Variants in INPP5D observed in about 807,000 individuals in gnomAD.
INPP5D encodes inositol polyphosphate-5-phosphatase D, also known as phosphatidylinositol 3,4,5-trisphosphate 5-phosphatase 1.
Under a neutral mutation model 122.9 loss-of-function variants are expected in INPP5D, and 33 were observed. The observed-to-expected ratio is 0.27, with a 90% CI of 0.20 to 0.36. INPP5D has a LOEUF of 0.36. INPP5D is among the 10% of genes least tolerant of loss of function. The pLI, the probability that INPP5D is intolerant of heterozygous loss-of-function variation, is 1.00. For synonymous variants in INPP5D, 584 were observed against 576.2 expected (o/e 1.01, Z -0.19); for missense variants, 1,053 against 1,412.7 (o/e 0.75, Z 4.08).
intron 2 of INPP5D, among the ~76,000 whole-genome samples, chr2:233,108,891 A>G (rs1053178202): frequency 8.5e-5 from 13 of 152,130 alleles, no homozygotes; most frequent in Non-Finnish European, 2.9e-5. Flanking sequence ...CTACCCATCC[A>G]CAGTCTTGCA....
At chr2:233,203,043 T>A (rs1695380651) in intron 25 of INPP5D, among the ~76,000 whole-genome samples, 1 of 152,180 alleles carries the variant, frequency 6.6e-6, no homozygotes, top group Non-Finnish European at 1.5e-5. Context: ...AAGGACACTG[T>A]GTTAACCGGG....
At chr2:233,119,094 G>C (rs111322109) in intron 2 of INPP5D, among the ~76,000 whole-genome samples, 1,624 of 152,306 alleles carry the variant, frequency 0.011, 27 homozygotes, top group African/African-American at 0.034. Flanking sequence ...GTGTAACATA[G>C]TCTGTGGTTC....
chr2:233,126,035 G>T lies in INPP5D; in HGVS notation c.524+116G>T, dbSNP rs114915681. 100 of 1,021,478 alleles carry T rather than the reference G, an allele frequency of 9.8e-5. 1 individual carries two copies. The Middle Eastern group carries it at 8.8e-3, about 90-fold the overall frequency. The allele number at this position is 1,021,478 out of a possible 1,614,324, so 63.3% of individuals were successfully genotyped here. On this transcript the variant is annotated intron_variant, in intron 4 of 26. Coordinates refer to ENST00000445964, the MANE Select transcript of INPP5D (RefSeq NM_001017915.3). ...GGGCCTGGTGACCAGAGGGAGATGG[G>T]GAGGTCTCCAGAGAAGAGTGCTTGT...
At chr2:233,086,595 G>C (rs773463773) in intron 2 of INPP5D, among the ~76,000 whole-genome samples, 1 of 152,152 alleles carries the variant, frequency 6.6e-6, no homozygotes, top group East Asian at 1.9e-4. Flanking sequence ...ACACGGAAAG[G>C]AGAAGTGAAC....
chr2:233,161,585 T>C lies in INPP5D; in HGVS notation c.1138-139T>C, dbSNP rs537096996. 151 of 1,218,148 alleles carry C rather than the reference T, an allele frequency of 1.2e-4. No homozygotes were observed. In the African/African-American group the frequency reaches 2.2e-3, roughly 18 times the overall value. The allele number at this position is 1,218,148 out of a possible 1,614,324, so 75.5% of individuals were successfully genotyped here. On this transcript the variant is annotated intron_variant, in intron 10 of 26. Coordinates refer to ENST00000445964, the MANE Select transcript of INPP5D (RefSeq NM_001017915.3). ...CCACTCGCTTATGACTTTGGACACATGTTTCCAGGTTGCTGTCCTGGAAGT... is the reference window on the plus strand; with the variant it reads ...CCACTCGCTTATGACTTTGGACACACGTTTCCAGGTTGCTGTCCTGGAAGT...
At chr2:233,094,961 C>T (rs1344213744) in intron 2 of INPP5D, among the ~76,000 whole-genome samples, 3 of 152,132 alleles carry the variant, frequency 2.0e-5, no homozygotes, top group Admixed American at 6.5e-5. Context: ...GATATATATA[C>T]GAGGACACCC....
At chr2:233,091,919 G>A (rs772873853) in intron 2 of INPP5D, among the ~76,000 whole-genome samples, 4 of 152,226 alleles carry the variant, frequency 2.6e-5, no homozygotes, top group Non-Finnish European at 4.4e-5. Context: ...AGGATGCCTG[G>A]CACAGAGTAG....
At chr2:233,085,385 AG>A (rs1691803322) in intron 2 of INPP5D, among the ~76,000 whole-genome samples, 1 of 151,356 alleles carries the variant, frequency 6.6e-6, no homozygotes, top group Non-Finnish European at 1.5e-5. Flanking sequence ...ACTGTCTCAA[AG>A]AAAAAAAAAA....
chr2:233,197,580 G>A lies in INPP5D; in HGVS notation c.2694-515G>A, dbSNP rs1384441905. Among the ~76,000 whole-genome samples the A allele has an allele frequency of 3.9e-5, 6 of 152,030 alleles. No individual in the cohort carries two copies. Among genetic ancestry groups the A allele is most frequent in the Non-Finnish European group, 8.8e-5 (6 of 68,008 alleles). ...GGAACAGGCCAAACCCCTCTCACCT[G>A]GAGGCCTTTGCATGTACTCTTGCCA... On this transcript the variant is annotated intron_variant, in intron 24 of 26. Coordinates refer to ENST00000445964, the MANE Select transcript of INPP5D (RefSeq NM_001017915.3). This position sits in a 1 kb window ranked among gnomAD's most constrained non-coding sequence, Gnocchi z 4.4.
chr2:233,196,791 TC>T (rs1695195466), intron 24 of INPP5D, among the ~76,000 whole-genome samples: 1 of 152,128 alleles, frequency 6.6e-6, no homozygotes, highest in East Asian at 1.9e-4. Context: ...CATAGCTTGT[TC>T]CTCTCCTCCC....
intron 2 of INPP5D, among the ~76,000 whole-genome samples, chr2:233,115,740 C>A (rs1459308324): frequency 6.6e-6 from 1 of 152,182 alleles, no homozygotes; most frequent in Non-Finnish European, 1.5e-5. Context: ...ATGGAGAGGT[C>A]CATTTTCTGC....
intron 3 of INPP5D, 100 bp from the exon 4 acceptor site, chr2:233,125,645 A>G: frequency 9.6e-7 from 1 of 1,038,340 alleles, no homozygotes; most frequent in Non-Finnish European, 1.4e-6. Context: ...GATGGAGATC[A>G]ATAACGTGGG....
chr2:233,195,328 C>G, intron 23 of INPP5D, 71 bp from the exon 24 acceptor site: 4 of 1,609,644 alleles, frequency 2.5e-6, no homozygotes, highest in African/African-American at 1.3e-5. Flanking sequence ...AATGGAAACC[C>G]CTTTGCCATC....
In INPP5D at chr2:233,164,152, G is replaced by T; in HGVS notation, c.1438-155G>T. 2.1e-6 allele frequency: 3 copies of T among 1,407,946 alleles called. No homozygotes were observed. The highest frequency in any genetic ancestry group is 1.5e-5 in the South Asian group (1 of 66,782). 87.2% of individuals were successfully genotyped at this position (1,407,946 alleles called of 1,614,324 possible). A position where few individuals can be genotyped will look rare whatever the true frequency, so the allele number is the denominator to read the frequency against. On this transcript the variant is annotated intron_variant, in intron 12 of 26. Transcript: ENST00000445964. The surrounding 1 kb of genome is among the most constrained non-coding windows in gnomAD (Gnocchi z 4.3). Reference sequence around the variant, plus strand: ...TCTCATCTTTAGGATGTTTTGTCTCGCCTATCAAGCATCGCTGGGAGTCCC... The same window carrying T: ...TCTCATCTTTAGGATGTTTTGTCTCTCCTATCAAGCATCGCTGGGAGTCCC...
intron 5 of INPP5D, among the ~76,000 whole-genome samples, chr2:233,138,326 C>CAAAAAAAAAAAAA (rs1553580905): frequency 7.5e-6 from 1 of 133,142 alleles, no homozygotes. Flanking sequence ...AAAAAAAAAG[C>CAAAAAAAAAAAAA]AAAGCAATAT....
intron 3 of INPP5D, among the ~76,000 whole-genome samples, chr2:233,124,687 A>C (rs1309487985): frequency 6.6e-6 from 1 of 151,014 alleles, no homozygotes; most frequent in East Asian, 2.0e-4. Flanking sequence ...AAACACCCTC[A>C]CTCCCCTCGG....
chr2:233,186,684 C>CTTTTTTT (rs144243823), intron 21 of INPP5D, among the ~76,000 whole-genome samples: 2 of 44,556 alleles, frequency 4.5e-5, no homozygotes, highest in Non-Finnish European at 8.6e-5. Context: ...TTTTCTCTTT[C>CTTTTTTT]TTTTTTTTTT....
At chr2:233,099,685 A>T (rs941607022) in intron 2 of INPP5D, among the ~76,000 whole-genome samples, 6 of 152,228 alleles carry the variant, frequency 3.9e-5, no homozygotes, top group African/African-American at 1.4e-4. Context: ...AAGCATTTTT[A>T]AAAATTCAGA....
chr2:233,109,207 C>T (rs887821594), intron 2 of INPP5D, among the ~76,000 whole-genome samples: 2 of 152,246 alleles, frequency 1.3e-5, no homozygotes, highest in Non-Finnish European at 2.9e-5. Flanking sequence ...CACCTCCATC[C>T]TGCAGCCCCA....
Sources: allele counts gnomAD v4.1 joint callset (sites outside exome capture counted in the v4.1 genomes callset), GRCh38; gene constraint gnomAD v4.1.1; non-coding constraint Gnocchi (gnomAD v3.1); transcripts MANE v1.5; gene names NCBI Gene and HGNC (gene_info 2026-07-23, HGNC 2026-07-21).